NPAS3: variants seen among roughly 807,000 people sequenced by gnomAD.
The protein encoded by NPAS3 is neuronal PAS domain-containing protein 3.
Under a neutral mutation model 73.1 loss-of-function variants are expected in NPAS3, and 14 were observed. That is an observed-to-expected ratio of 0.19 (90% CI 0.13 to 0.30). NPAS3 has a LOEUF of 0.30. Among genes scored for constraint, NPAS3 ranks in the 10% least tolerant of loss-of-function variants. The pLI, the probability that NPAS3 is intolerant of heterozygous loss-of-function variation, is 1.00. For synonymous variants in NPAS3, 620 were observed against 541.5 expected (o/e 1.14, Z -2.01); for missense variants, 1,096 against 1,250.0 (o/e 0.88, Z 1.86).
chr14:33,009,079 A>G (rs915475541), intron 1 of NPAS3, among the ~76,000 whole-genome samples: 3 of 152,162 alleles, frequency 2.0e-5, no homozygotes, highest in Non-Finnish European at 2.9e-5. Flanking sequence ...ACGTAAAAAT[A>G]ATCTTGTTTA....
intron 5 of NPAS3, among the ~76,000 whole-genome samples, chr14:33,665,321 G>A (rs999905397): frequency 3.3e-5 from 5 of 152,162 alleles, no homozygotes; most frequent in Non-Finnish European, 5.9e-5. Context: ...GGGAGGGATA[G>A]CATTAGGAGA....
chr14:33,135,318 G>A (rs1361261467), intron 2 of NPAS3, among the ~76,000 whole-genome samples: 2 of 152,160 alleles, frequency 1.3e-5, no homozygotes, highest in Non-Finnish European at 2.9e-5. Context: ...TGGTAAGGTA[G>A]GGATTCAGAG....
chr14:33,546,075 C>T (rs1054388215), intron 4 of NPAS3, among the ~76,000 whole-genome samples: 2 of 152,162 alleles, frequency 1.3e-5, no homozygotes, highest in Non-Finnish European at 2.9e-5. Flanking sequence ...GCCTCCTCTG[C>T]CACACCTCTT....
chr14:33,803,838 A>G (rs757188798), downstream of NPAS3: 4 of 152,110 alleles, frequency 2.6e-5, no homozygotes, highest in Non-Finnish European at 5.9e-5. Context: ...GGGGAAAGGG[A>G]TATTCTGTTC....
At chr14:33,068,556 G>A (rs2041361370) in intron 2 of NPAS3, among the ~76,000 whole-genome samples, 1 of 152,084 alleles carries the variant, frequency 6.6e-6, no homozygotes, top group African/African-American at 2.4e-5. Context: ...AAAGTTGGAT[G>A]GCATTAGAAA....
At chr14:33,379,151 G>T (rs2046431655) in intron 4 of NPAS3, among the ~76,000 whole-genome samples, 1 of 151,718 alleles carries the variant, frequency 6.6e-6, no homozygotes, top group Non-Finnish European at 1.5e-5. Flanking sequence ...TTTAGACTTG[G>T]GTCTCATCTC....
At chr14:33,327,988 G>A (rs2043788133) in intron 3 of NPAS3, among the ~76,000 whole-genome samples, 1 of 151,886 alleles carries the variant, frequency 6.6e-6, no homozygotes, top group South Asian at 2.1e-4. Flanking sequence ...ACCATCTCTG[G>A]GATTATAGCA....
intron 3 of NPAS3, among the ~76,000 whole-genome samples, chr14:33,239,140 G>A (rs886214112): frequency 2.6e-5 from 4 of 151,898 alleles, no homozygotes; most frequent in Admixed American, 2.6e-4. Context: ...TCTCCTGGGG[G>A]TCTGAGGGGA....
intron 5 of NPAS3, among the ~76,000 whole-genome samples, chr14:33,673,466 C>T (rs1443130269): frequency 6.6e-6 from 1 of 152,210 alleles, no homozygotes; most frequent in Admixed American, 6.5e-5. Flanking sequence ...CCCCTGCTGA[C>T]TAAAATGATG....
At chr14:33,793,931 T>C in exon 10 of NPAS3, 1 of 1,613,936 alleles carries the variant, frequency 6.2e-7, no homozygotes, top group Non-Finnish European at 8.5e-7. Flanking sequence ...CAAAGTACTA[T>C]CGCTGGATGC....
At chr14:33,509,404 A>G (rs1337118573) in intron 4 of NPAS3, among the ~76,000 whole-genome samples, 3 of 152,070 alleles carry the variant, frequency 2.0e-5, no homozygotes, top group Non-Finnish European at 4.4e-5. Context: ...ACCCAGAAAT[A>G]CAAAATGACT....
chr14:33,739,026 A>G (rs947981254), intron 7 of NPAS3, among the ~76,000 whole-genome samples: 5 of 152,192 alleles, frequency 3.3e-5, no homozygotes, highest in Non-Finnish European at 7.3e-5. Context: ...AATGCCTACC[A>G]GCTCCACTGT....
intron 4 of NPAS3, among the ~76,000 whole-genome samples, chr14:33,541,241 A>G (rs942894636): frequency 2.6e-5 from 4 of 152,180 alleles, no homozygotes; most frequent in Admixed American, 6.5e-5. Flanking sequence ...GTTCATGCAT[A>G]GTAAATTATG....
chr14:33,423,494 A>G (rs2048435723), intron 4 of NPAS3, among the ~76,000 whole-genome samples: 1 of 151,978 alleles, frequency 6.6e-6, no homozygotes, highest in Non-Finnish European at 1.5e-5. Flanking sequence ...ATCTTGATAC[A>G]TGTCAGAGTA....
chr14:33,193,486 G>A (rs551762527), intron 2 of NPAS3, among the ~76,000 whole-genome samples: 1 of 152,286 alleles, frequency 6.6e-6, no homozygotes, highest in African/African-American at 2.4e-5. Flanking sequence ...TTTAAAAAAT[G>A]TACAGGCTGG....
intron 7 of NPAS3, among the ~76,000 whole-genome samples, chr14:33,742,173 T>C (rs1327908714): frequency 6.6e-6 from 1 of 152,166 alleles, no homozygotes; most frequent in African/African-American, 2.4e-5. Flanking sequence ...ACAGGTCATT[T>C]TTCTTCAGGC....
intron 7 of NPAS3, among the ~76,000 whole-genome samples, chr14:33,738,505 T>G (rs913629320): frequency 6.6e-6 from 1 of 152,148 alleles, no homozygotes; most frequent in East Asian, 1.9e-4. Flanking sequence ...GTTACAGAGA[T>G]GTACTTCTTT....
chr14:32,956,748 A>G (rs1334549833), intron 1 of NPAS3, among the ~76,000 whole-genome samples: 1 of 152,218 alleles, frequency 6.6e-6, no homozygotes, highest in Non-Finnish European at 1.5e-5. Flanking sequence ...CCAGTTTATT[A>G]ATGCACAGGT....
intron 3 of NPAS3, among the ~76,000 whole-genome samples, chr14:33,234,598 G>A (rs1486950779): frequency 2.6e-5 from 4 of 152,086 alleles, no homozygotes; most frequent in Admixed American, 2.6e-4. Context: ...GAGAGAGTTG[G>A]TGAGCGAGAA....
Sources: gnomAD v4.1 joint callset for allele counts (sites outside exome capture counted in the v4.1 genomes callset) on GRCh38, gnomAD v4.1.1 for gene constraint, MANE v1.5 for transcripts, NCBI Gene and HGNC (gene_info 2026-07-23, HGNC 2026-07-21) for gene names.